RRM2B: variants seen among roughly 807,000 people sequenced by gnomAD.
The protein encoded by RRM2B is ribonucleoside-diphosphate reductase subunit M2 B.
RRM2B carries 20 observed loss-of-function variants against 45.9 expected under a neutral mutation model. The ratio of observed to expected loss-of-function variants is 0.44; its 90% CI spans 0.31 to 0.63. The LOEUF (loss-of-function observed/expected upper bound fraction) is 0.63, where lower values mean the gene tolerates loss of function less well. RRM2B is among the 30% of genes least tolerant of loss of function. The pLI, the probability that RRM2B is intolerant of heterozygous loss-of-function variation, is 0.09. For missense variants in RRM2B, 320 were observed against 414.7 expected (o/e 0.77, Z 1.98); for synonymous variants, 124 against 132.3 (o/e 0.94, Z 0.43).
chr8:102,208,871 G>A (rs769886267), intron 8 of RRM2B, among the ~76,000 whole-genome samples: 4 of 152,126 alleles, frequency 2.6e-5, no homozygotes, highest in East Asian at 1.9e-4. Flanking sequence ...AAACAAGGCC[G>A]AGCATGGTGG....
At chr8:102,222,644 T>A (rs1216076126) in intron 5 of RRM2B, among the ~76,000 whole-genome samples, 1 of 152,190 alleles carries the variant, frequency 6.6e-6, no homozygotes, top group Non-Finnish European at 1.5e-5. Flanking sequence ...CGTAATAATC[T>A]GAAAAGCTAA....
intron 4 of RRM2B, 125 bp downstream of exon 4, chr8:102,224,760 A>T (rs1810899270): frequency 1.0e-6 from 1 of 981,804 alleles, no homozygotes; most frequent in Non-Finnish European, 1.5e-6. Flanking sequence ...AAGCAATAGA[A>T]AATATTATGC....
intron 5 of RRM2B, among the ~76,000 whole-genome samples, chr8:102,222,821 C>T (rs1587177522): frequency 6.6e-6 from 1 of 151,880 alleles, no homozygotes; most frequent in Non-Finnish European, 1.5e-5. Flanking sequence ...GCATGCTATT[C>T]TTTTTTTTGG....
At position 102,231,826 on chromosome 8, in the gene RRM2B, G is replaced by A. The variant is rs201943473; in HGVS notation, c.204+323C>T. On this transcript the variant is annotated intron_variant, in intron 2 of 8. Transcript: ENST00000251810. ...GGAGTTTGCAGTGAGCTGAGATCGC[G>A]CCACTGCACTCTAGCCTGGGTGACA... Among the ~76,000 whole-genome samples the A allele has an allele frequency of 1.1e-4, 15 of 141,238 alleles. No homozygotes were observed. In the East Asian group the frequency reaches 1.7e-3, roughly 16 times the overall value. 92.7% of individuals were successfully genotyped at this position (141,238 alleles called of 152,430 possible).
In RRM2B at chr8:102,238,875, C is replaced by G. The variant is rs1437655477; in HGVS notation, c.-1G>C. 3.7e-6 allele frequency: 6 copies of G among 1,611,622 alleles called. No individual in the cohort carries two copies. The highest frequency in any genetic ancestry group is 1.7e-5 in the Admixed American group (1 of 60,010). On this transcript the variant is annotated 5_prime_UTR_variant, in exon 1 of 9. Coordinates refer to ENST00000251810, the MANE Select transcript of RRM2B (RefSeq NM_015713.5). ...CTTCCGGCCTTTCCGGGTCGCCCAT[C>G]GCGCAGACTCCGCCGAAGCTACGGG... is the stretch of plus-strand genomic sequence containing the variant.
chr8:102,220,486 C>T (rs1587175732), intron 5 of RRM2B, among the ~76,000 whole-genome samples: 1 of 152,136 alleles, frequency 6.6e-6, no homozygotes, highest in East Asian at 1.9e-4. Flanking sequence ...GTCACCCAGG[C>T]TGTAGTGCAA....
intron 5 of RRM2B, 54 bp downstream of exon 5, chr8:102,223,992 T>A: frequency 8.1e-7 from 1 of 1,232,950 alleles, no homozygotes; most frequent in Non-Finnish European, 1.2e-6. Context: ...CCACATAAAA[T>A]ACTGTCATAT....
intron 6 of RRM2B, among the ~76,000 whole-genome samples, chr8:102,218,270 C>T (rs1455634521): frequency 6.6e-6 from 1 of 152,082 alleles, no homozygotes; most frequent in East Asian, 1.9e-4. Flanking sequence ...AGTGCGGGAA[C>T]CTAGGAGGAC....
chr8:102,221,945 T>A (rs1405605639), intron 5 of RRM2B, among the ~76,000 whole-genome samples: 1 of 152,208 alleles, frequency 6.6e-6, no homozygotes, highest in African/African-American at 2.4e-5. Context: ...ATCAGCTGAA[T>A]ACAAAATGCA....
intron 4 of RRM2B, among the ~76,000 whole-genome samples, 195 bp from the exon 5 acceptor site, chr8:102,224,335 C>T (rs373457643): frequency 1.3e-5 from 2 of 152,134 alleles, no homozygotes; most frequent in African/African-American, 4.8e-5. Flanking sequence ...GTGCCCGCCA[C>T]CACGCCCGGC....
intron 2 of RRM2B, among the ~76,000 whole-genome samples, chr8:102,231,868 C>CAAAAAAAAA (rs1250881056): frequency 1.6e-5 from 1 of 61,718 alleles, no homozygotes; most frequent in East Asian, 5.6e-4. Flanking sequence ...GACTCTGTCT[C>CAAAAAAAAA]AAAAAAAAAA....
intron 6 of RRM2B, chr8:102,214,379 T>C: frequency 1.8e-6 from 1 of 541,052 alleles, no homozygotes; most frequent in Admixed American, 2.9e-5. Flanking sequence ...AAATCTTAGT[T>C]CATCAACATT....
intron 7 of RRM2B, 150 bp from the exon 8 acceptor site, chr8:102,213,039 T>C: frequency 1.6e-6 from 1 of 642,208 alleles, no homozygotes; most frequent in Non-Finnish European, 2.8e-6. Context: ...GCAAATGATG[T>C]CCGTATATTT....
chr8:102,232,365 A>C (rs563613557), intron 1 of RRM2B, 61 bp from the exon 2 acceptor site: 2 of 1,530,184 alleles, frequency 1.3e-6, no homozygotes, highest in East Asian at 4.5e-5. Context: ...ATTCATACCT[A>C]AACATACATC....
chr8:102,234,507 T>C lies in RRM2B; in HGVS notation c.49-2203A>G, dbSNP rs192699029. ...ACTCTAGGCTCTCCACAGTACCCTC[T>C]GTGGACCTAATCTAAGAACCCATAT... On this transcript the variant is annotated intron_variant, in intron 1 of 8. Transcript: ENST00000251810. 2.1e-4 allele frequency among the ~76,000 whole-genome samples: 32 copies of C among 152,122 alleles called. No individual in the cohort carries two copies. The East Asian group carries it at 5.8e-3, about 28-fold the overall frequency.
At chr8:102,217,030 T>C (rs1308104610) in intron 6 of RRM2B, among the ~76,000 whole-genome samples, 3 of 152,064 alleles carry the variant, frequency 2.0e-5, no homozygotes, top group Middle Eastern at 3.2e-3. Flanking sequence ...GGACAAAGCT[T>C]ATATATATGT....
chr8:102,238,601 G>C (rs1563669739), intron 1 of RRM2B: 1 of 1,527,294 alleles, frequency 6.5e-7, no homozygotes, highest in Non-Finnish European at 8.8e-7. Flanking sequence ...CTGGCCCCGG[G>C]GCAGAGCAGC....
chr8:102,209,499 G>A (rs7388583), intron 8 of RRM2B, among the ~76,000 whole-genome samples: 22,258 of 152,198 alleles, frequency 0.15, 1,819 homozygotes, highest in East Asian at 0.35. Flanking sequence ...GTGTTGGTGC[G>A]GATGTGGAGA....
chr8:102,237,172 AAACTTTACCTTGAC>A (rs1375775205), intron 1 of RRM2B, among the ~76,000 whole-genome samples: 1 of 152,200 alleles, frequency 6.6e-6, no homozygotes, highest in Non-Finnish European at 1.5e-5. Flanking sequence ...TTTCTGGCCT[AAACTTTACCTTGAC>A]AATAGACTAT....
Sources: allele counts gnomAD v4.1 joint callset (sites outside exome capture counted in the v4.1 genomes callset), GRCh38; gene constraint gnomAD v4.1.1; transcripts MANE v1.5; gene names NCBI Gene and HGNC (gene_info 2026-07-23, HGNC 2026-07-21).